IL12RB2: variants seen among roughly 807,000 people sequenced by gnomAD.
IL12RB2 encodes interleukin 12 receptor subunit beta 2.
IL12RB2 carries 82 observed loss-of-function variants against 89.4 expected under a neutral mutation model. That is an observed-to-expected ratio of 0.92 (90% confidence interval 0.77 to 1.10). The LOEUF (loss-of-function observed/expected upper bound fraction) is 1.10. Among genes scored for constraint, IL12RB2 ranks in the 50% least tolerant of loss-of-function variants. IL12RB2 has a pLI of 0.00. For synonymous variants in IL12RB2, 368 were observed against 370.1 expected, an observed-to-expected ratio of 0.99 and a Z score of 0.07; for missense variants, 963 against 1,031.9, an observed-to-expected ratio of 0.93 and a Z score of 0.92.
At chr1:67,383,168 G>A (rs879051092) in intron 14 of IL12RB2, among the ~76,000 whole-genome samples, 2 of 152,172 alleles carry the variant, frequency 1.3e-5, no homozygotes, top group Non-Finnish European at 2.9e-5. Context: ...CAAGGTGCCA[G>A]GAGAGAGAAG....
At chr1:67,367,094 A>C (rs1003653433) in intron 10 of IL12RB2, among the ~76,000 whole-genome samples, 1 of 152,124 alleles carries the variant, frequency 6.6e-6, no homozygotes, top group African/African-American at 2.4e-5. Context: ...AGGCTATAGA[A>C]ATGGAAAAAG....
chr1:67,345,856 T>C (rs545271641), intron 9 of IL12RB2, among the ~76,000 whole-genome samples: 1 of 152,036 alleles, frequency 6.6e-6, no homozygotes, highest in Non-Finnish European at 1.5e-5. Flanking sequence ...TGCAAAAAAA[T>C]AAGAGAGTAG....
chr1:67,321,793 A>G lies in IL12RB2; in HGVS notation c.268A>G (p.Thr90Ala). 6.2e-7 allele frequency: 1 copy of G among 1,610,572 alleles called. No homozygotes were observed. Among genetic ancestry groups the G allele is most frequent in the Non-Finnish European group, 8.5e-7 (1 of 1,176,748 alleles). Residue 90 changes from threonine to alanine, a missense_variant, in exon 4 of 17, where the codon ACA becomes GCA. By Grantham distance (58) the Thr-to-Ala change is moderately conservative (BLOSUM62 0). Coordinates refer to ENST00000674203, the MANE Select transcript of IL12RB2 (RefSeq NM_001374259.2). Reference protein sequence around the residue: ...HHGHSLNSQVTGLPLGTTLFV... With the variant: ...HHGHSLNSQVAGLPLGTTLFV... ...TGGCCACTCCCTCAATTCTCAAGTC[A>G]CAGGTCTTCCCCTTGGTACAACCTT...
Position 67,337,565 on chromosome 1 carries a change from A to T in IL12RB2, c.959-1059A>T, listed in dbSNP as rs572029976. Among the ~76,000 whole-genome samples, 12 of 152,296 alleles carry T rather than the reference A, an allele frequency of 7.9e-5. No individual in the cohort carries two copies. In the South Asian group the frequency reaches 2.5e-3, roughly 32 times the overall value. ...GCCATATTTGACCATTGTCTTACAG[A>T]TTGGTGGTTATTTATTTAATCAGTT... On this transcript the variant is annotated intron_variant, in intron 8 of 16. Coordinates refer to ENST00000674203, the MANE Select transcript of IL12RB2 (RefSeq NM_001374259.2).
intron 15 of IL12RB2, 48 bp downstream of exon 15, chr1:67,386,717 T>G (rs756292588): frequency 1.7e-6 from 2 of 1,180,992 alleles, no homozygotes; most frequent in Non-Finnish European, 2.6e-6. Context: ...TTTTAAAAAA[T>G]GATAATAGCT....
chr1:67,331,871 A>G (rs554774247), intron 8 of IL12RB2, among the ~76,000 whole-genome samples: 1 of 152,308 alleles, frequency 6.6e-6, no homozygotes, highest in East Asian at 1.9e-4. Context: ...AAATGCACTC[A>G]TTTAGTGATA....
In IL12RB2 at chr1:67,387,160, C is replaced by G. The variant is rs186330432; in HGVS notation, c.1946+491C>G. The stretch of plus-strand genomic sequence containing the variant: ...GGCCAGACTGGTCCCGAACTCCTGA[C>G]CTCAAGTGATCCACCTGCCTCAGCC... On this transcript the variant is annotated intron_variant, in intron 15 of 16. Transcript: ENST00000674203. Among the ~76,000 whole-genome samples, 18 of 151,148 alleles carry G rather than the reference C, an allele frequency of 1.2e-4. No individual in the cohort carries two copies. In the East Asian group the frequency reaches 2.8e-3, roughly 23 times the overall value.
intron 14 of IL12RB2, among the ~76,000 whole-genome samples, chr1:67,383,975 C>A (rs1173828354): frequency 6.6e-6 from 1 of 152,236 alleles, no homozygotes; most frequent in Admixed American, 6.5e-5. Context: ...ACTGCCTTCA[C>A]AGCTGGCATT....
At chr1:67,353,865 G>A (rs903686388) in intron 10 of IL12RB2, among the ~76,000 whole-genome samples, 11 of 152,110 alleles carry the variant, frequency 7.2e-5, no homozygotes, top group African/African-American at 2.4e-4. Context: ...TGGGTCTTGA[G>A]GTTTTAAACC....
chr1:67,389,927 T>C (rs1482385605), intron 15 of IL12RB2, 102 bp from the exon 16 acceptor site: 2 of 739,754 alleles, frequency 2.7e-6, no homozygotes, highest in African/African-American at 3.4e-5. Flanking sequence ...TTTATTTGCA[T>C]ACAAAAGCAG....
rs1663482811 is a variant in IL12RB2, at chr1:67,372,541, CTT to C, written c.1558+8_1558+9del. 6.2e-7 allele frequency: 1 copy of C among 1,602,164 alleles called. No individual in the cohort carries two copies. The highest frequency in any genetic ancestry group is 8.6e-7 in the Non-Finnish European group (1 of 1,169,134). On this transcript the variant is annotated splice_region_variant and intron_variant, in intron 12 of 16. Coordinates refer to ENST00000674203, the MANE Select transcript of IL12RB2 (RefSeq NM_001374259.2). ...GGTAACTCTAAGCACAAAGGTGAGT[CTT>C]GGGATCTTTTGCCAAATTTTGCTTT...
chr1:67,367,014 T>C (rs1662747735), intron 10 of IL12RB2, among the ~76,000 whole-genome samples: 1 of 152,208 alleles, frequency 6.6e-6, no homozygotes, highest in Admixed American at 6.5e-5. Flanking sequence ...GATAGGAATT[T>C]GTCTAAACAA....
chr1:67,338,755 A>T (rs1434939725), intron 9 of IL12RB2, 52 bp downstream of exon 9: 3 of 869,372 alleles, frequency 3.5e-6, no homozygotes, highest in African/African-American at 3.3e-5. Context: ...TGAAGGCAGA[A>T]AAAGACCTAT....
At chr1:67,340,639 G>A (rs1033253920) in intron 9 of IL12RB2, among the ~76,000 whole-genome samples, 5 of 152,332 alleles carry the variant, frequency 3.3e-5, no homozygotes, top group South Asian at 2.1e-4. Context: ...TGCATGATGC[G>A]TGTTTATCCT....
chr1:67,342,445 G>A (rs554416012), intron 9 of IL12RB2, among the ~76,000 whole-genome samples: 2 of 152,220 alleles, frequency 1.3e-5, no homozygotes, highest in South Asian at 2.1e-4. Context: ...GAACAACTCC[G>A]TGCTGATTGG....
Position 67,320,327 on chromosome 1 carries a change from T to C in IL12RB2, c.-36-6T>C. On this transcript the variant is annotated splice_region_variant and splice_polypyrimidine_tract_variant and intron_variant, in intron 2 of 16. Transcript: ENST00000674203. The stretch of plus-strand genomic sequence containing the variant: ...TAACATGAATGAATTTGTCTTCTTT[T>C]GCAAGGAAGAATACGGAGTTCTATA... The C allele has an allele frequency of 2.5e-6, 4 of 1,613,728 alleles. No homozygotes were observed. The highest frequency in any genetic ancestry group is 3.4e-6 in the Non-Finnish European group (4 of 1,179,788).
chr1:67,338,132 C>CAGCCGGGGCAACATGATGAA (rs1659037968), intron 8 of IL12RB2, among the ~76,000 whole-genome samples: 2 of 150,772 alleles, frequency 1.3e-5, no homozygotes, highest in Non-Finnish European at 3.0e-5. Flanking sequence ...AGTTCAAGAC[C>CAGCCGGGGCAACATGATGAA]AGCCGGGGCA....
Position 67,397,467 on chromosome 1 carries a change from A to T in IL12RB2, c.*1378A>T, listed in dbSNP as rs1018304634. Among the ~76,000 whole-genome samples, 2 of 152,220 alleles carry T rather than the reference A, an allele frequency of 1.3e-5. No homozygotes were observed. Among genetic ancestry groups the T allele is most frequent in the African/African-American group, 4.8e-5 (2 of 41,472 alleles). ...GTCTGTCCCCTGTTCCCAAAGGCAC[A>T]GCTTTCATTCCCGGAGAAGATATTG... On this transcript the variant is annotated 3_prime_UTR_variant, in exon 17 of 17. Transcript: ENST00000674203.
intron 13 of IL12RB2, 123 bp downstream of exon 13, chr1:67,372,906 C>T: frequency 2.6e-6 from 2 of 762,958 alleles, no homozygotes; most frequent in East Asian, 2.4e-5. Context: ...ATAGTAAGTA[C>T]TCCATAAATA....
Sources: gnomAD v4.1 joint callset for allele counts (sites outside exome capture counted in the v4.1 genomes callset) on GRCh38, gnomAD v4.1.1 for gene constraint, MANE v1.5 for transcripts, NCBI Gene and HGNC (gene_info 2026-07-23, HGNC 2026-07-21) for gene names.